NEBL: variants seen among roughly 807,000 people sequenced by gnomAD.
NEBL encodes nebulette.
In NEBL, 122 loss-of-function variants were observed where a neutral mutation model predicts 140.2. The observed-to-expected ratio is 0.87, with a 90% CI of 0.75 to 1.01. The LOEUF (loss-of-function observed/expected upper bound fraction) is 1.01, where lower values mean the gene tolerates loss of function less well. Among genes scored for constraint, NEBL ranks in the 50% least tolerant of loss-of-function variants. The pLI, the probability that NEBL is intolerant of heterozygous loss-of-function variation, is 0.00. For synonymous variants in NEBL, 436 were observed against 398.9 expected (o/e 1.09, Z -1.11); for missense variants, 1,365 against 1,231.3 (o/e 1.11, Z -1.62).
At chr10:20,867,452 G>T (rs1258173853) in intron 7 of NEBL, among the ~76,000 whole-genome samples, 1 of 152,050 alleles carries the variant, frequency 6.6e-6, no homozygotes, top group Non-Finnish European at 1.5e-5. Context: ...AACTATAAAT[G>T]TGTAAAACTT....
chr10:20,939,970 C>T (rs1309139104), intron 4 of NEBL, among the ~76,000 whole-genome samples: 1 of 151,314 alleles, frequency 6.6e-6, no homozygotes, highest in Non-Finnish European at 1.5e-5. Context: ...AATTAGACTC[C>T]CACACAATAA....
At chr10:21,124,715 G>C (rs936161501) in intron 2 of NEBL, among the ~76,000 whole-genome samples, 1 of 152,222 alleles carries the variant, frequency 6.6e-6, no homozygotes, top group African/African-American at 2.4e-5. Flanking sequence ...CACTTTGGGA[G>C]GCTGAGGTGG....
intron 3 of NEBL, among the ~76,000 whole-genome samples, chr10:21,189,639 G>A (rs1472968648): frequency 6.9e-6 from 1 of 144,256 alleles, no homozygotes. Context: ...TAATTTTTTT[G>A]TATTTTTCAG....
At chr10:21,182,207 C>T (rs113177030) in intron 3 of NEBL, among the ~76,000 whole-genome samples, 1 of 150,514 alleles carries the variant, frequency 6.6e-6, no homozygotes. Context: ...CACGGTGGCT[C>T]ACACCTGTAA....
intron 1 of NEBL, among the ~76,000 whole-genome samples, chr10:21,253,993 A>G (rs1842622742): frequency 6.6e-6 from 1 of 152,228 alleles, no homozygotes; most frequent in South Asian, 2.1e-4. Context: ...TTTTACATCT[A>G]TCCAAAATGT....
intron 8 of NEBL, among the ~76,000 whole-genome samples, chr10:20,859,151 T>C (rs1400948435): frequency 1.3e-5 from 2 of 152,122 alleles, no homozygotes; most frequent in Non-Finnish European, 2.9e-5. Flanking sequence ...GTTGCTGTTT[T>C]TATACTCTAA....
chr10:20,929,215 G>A (rs557814249), intron 4 of NEBL, among the ~76,000 whole-genome samples: 12 of 151,976 alleles, frequency 7.9e-5, no homozygotes, highest in Admixed American at 3.3e-4. Context: ...ATCAACCTAA[G>A]TGTCCATCAA....
intron 2 of NEBL, among the ~76,000 whole-genome samples, chr10:21,054,361 T>C (rs1388029972): frequency 2.0e-5 from 3 of 152,188 alleles, no homozygotes; most frequent in Non-Finnish European, 4.4e-5. Flanking sequence ...CAGTTGGTTG[T>C]ATGGGTTTAT....
intron 2 of NEBL, among the ~76,000 whole-genome samples, chr10:21,169,718 C>T (rs1840993399): frequency 6.6e-6 from 1 of 152,160 alleles, no homozygotes; most frequent in Non-Finnish European, 1.5e-5. Flanking sequence ...GGATGAATTC[C>T]TATTTCCCCC....
intron 2 of NEBL, among the ~76,000 whole-genome samples, chr10:21,152,267 G>A (rs567972998): frequency 4.3e-4 from 65 of 152,214 alleles, no homozygotes; most frequent in African/African-American, 1.5e-3. Flanking sequence ...GATCATCAAC[G>A]AATCTCATAG....
chr10:20,827,503 C>A (rs1271356369), intron 17 of NEBL, among the ~76,000 whole-genome samples: 5 of 152,238 alleles, frequency 3.3e-5, no homozygotes, highest in Non-Finnish European at 5.9e-5. Context: ...TGATGAGATG[C>A]TTCCTTAACT....
intron 2 of NEBL, chr10:21,020,300 C>A: frequency 9.7e-7 from 1 of 1,035,384 alleles, no homozygotes; most frequent in East Asian, 2.5e-5. Flanking sequence ...TTCCCAACCC[C>A]ATCACAGTGG....
intron 2 of NEBL, among the ~76,000 whole-genome samples, chr10:21,073,156 C>G (rs1473518316): frequency 2.6e-5 from 4 of 152,074 alleles, no homozygotes; most frequent in African/African-American, 9.7e-5. Flanking sequence ...CTCCCCAACC[C>G]TGGAAAAATG....
intron 3 of NEBL, among the ~76,000 whole-genome samples, chr10:20,965,204 C>T (rs2131625233): frequency 6.6e-6 from 1 of 152,282 alleles, no homozygotes; most frequent in East Asian, 1.9e-4. Flanking sequence ...GTCAATGGTC[C>T]CTGCCTTCAT....
chr10:20,946,253 A>G (rs1490607850), intron 4 of NEBL, among the ~76,000 whole-genome samples: 1 of 152,178 alleles, frequency 6.6e-6, no homozygotes, highest in Non-Finnish European at 1.5e-5. Context: ...CTGCACATGG[A>G]AATTGGATTT....
intron 3 of NEBL, chr10:20,961,845 C>T: frequency 8.4e-7 from 1 of 1,186,882 alleles, no homozygotes. Context: ...ATAGGCTGGG[C>T]CAACGAAGCT....
chr10:21,242,288 C>A (rs1842450118), intron 3 of NEBL, among the ~76,000 whole-genome samples: 4 of 152,108 alleles, frequency 2.6e-5, no homozygotes, highest in Admixed American at 2.6e-4. Context: ...ACTATGCAGC[C>A]ATAAAAAGAA....
chr10:21,216,665 G>A (rs1478770407), intron 3 of NEBL, among the ~76,000 whole-genome samples: 1 of 152,112 alleles, frequency 6.6e-6, no homozygotes, highest in Non-Finnish European at 1.5e-5. Flanking sequence ...CAGCTTCTTG[G>A]GAGGCTGAGG....
intron 2 of NEBL, among the ~76,000 whole-genome samples, chr10:21,078,620 T>C (rs955495441): frequency 6.6e-6 from 1 of 152,214 alleles, no homozygotes. Flanking sequence ...TCTACTCCTA[T>C]GACCTGCTCA....
Sources: allele counts gnomAD v4.1 joint callset (sites outside exome capture counted in the v4.1 genomes callset), GRCh38; gene constraint gnomAD v4.1.1; transcripts MANE v1.5; gene names NCBI Gene and HGNC (gene_info 2026-07-23, HGNC 2026-07-21).